Variants in REEP3 observed in about 807,000 individuals in gnomAD.
REEP3 encodes the protein receptor accessory protein 3.
Under a neutral mutation model 41.3 loss-of-function variants are expected in REEP3, and 20 were observed. That is an observed-to-expected ratio of 0.48 (90% confidence interval 0.34 to 0.70). The LOEUF is 0.70. REEP3 is among the 30% of genes least tolerant of loss of function. The probability of loss-of-function intolerance (pLI) is 0.01; values close to 1 mark genes in which losing one functional copy is unlikely to be tolerated. For missense variants in REEP3, 271 were observed against 308.8 expected, an observed-to-expected ratio of 0.88 and a Z score of 0.92; for synonymous variants, 104 against 101.8, an observed-to-expected ratio of 1.02 and a Z score of -0.13.
At chr10:63,556,634 G>GTTTTT (rs370073734) in intron 1 of REEP3, among the ~76,000 whole-genome samples, 3 of 78,562 alleles carry the variant, frequency 3.8e-5, no homozygotes, top group African/African-American at 1.4e-4. Context: ...TTGTTGTTTT[G>GTTTTT]TTTTTTTTTT....
intron 1 of REEP3, among the ~76,000 whole-genome samples, chr10:63,549,981 G>C (rs1955613272): frequency 6.6e-6 from 1 of 152,220 alleles, no homozygotes; most frequent in Non-Finnish European, 1.5e-5. Flanking sequence ...GGCCAGCAAG[G>C]GGTGAGGAGG....
At chr10:63,521,612 GAGGCCC>G (rs1564987115) in intron 1 of REEP3, 35 bp downstream of exon 1, 9 of 1,381,808 alleles carry the variant, frequency 6.5e-6, no homozygotes, top group Middle Eastern at 2.0e-4. Context: ...CAGCCGGCGC[GAGGCCC>G]AGGGGAGCTG....
At chr10:63,580,274 T>A (rs1797097850) in intron 2 of REEP3, among the ~76,000 whole-genome samples, 1 of 152,020 alleles carries the variant, frequency 6.6e-6, no homozygotes, top group African/African-American at 2.4e-5. Flanking sequence ...TAGCTGGGAC[T>A]CCAGATGTGT....
At chr10:63,612,327 A>G (rs1331782599) in intron 6 of REEP3, among the ~76,000 whole-genome samples, 1 of 152,002 alleles carries the variant, frequency 6.6e-6, no homozygotes, top group Non-Finnish European at 1.5e-5. Context: ...GTGCACCACC[A>G]TGCCCTGCTA....
rs139223292 is a variant in REEP3, at chr10:63,536,686, G to A, written c.32+15109G>A. ...GTAAGAAAAAAAATTAACCTAAAAAGAAAAGTGGACAAATGAACTGGTATC... is the reference window on the plus strand; with the variant it reads ...GTAAGAAAAAAAATTAACCTAAAAAAAAAAGTGGACAAATGAACTGGTATC... On this transcript the variant is annotated intron_variant, in intron 1 of 7. Transcript: ENST00000373758. Among the ~76,000 whole-genome samples the A allele has an allele frequency of 2.2e-3, 327 of 152,058 alleles. 2 individuals are homozygous for A. Among genetic ancestry groups the A allele is most frequent in the African/African-American group, 7.5e-3 (310 of 41,474 alleles).
intron 6 of REEP3, among the ~76,000 whole-genome samples, chr10:63,618,428 C>T (rs1380519021): frequency 2.0e-5 from 3 of 150,942 alleles, no homozygotes; most frequent in Non-Finnish European, 4.4e-5. Flanking sequence ...TTTGTATTTT[C>T]AGTAGAGACA....
intron 2 of REEP3, among the ~76,000 whole-genome samples, chr10:63,569,094 T>C (rs1955830351): frequency 6.6e-6 from 1 of 152,222 alleles, no homozygotes; most frequent in African/African-American, 2.4e-5. Context: ...CCTTGTACAA[T>C]TCCATAGACA....
At chr10:63,552,127 G>A (rs1017507849) in intron 1 of REEP3, among the ~76,000 whole-genome samples, 5 of 152,252 alleles carry the variant, frequency 3.3e-5, no homozygotes, top group African/African-American at 4.8e-5. Context: ...CACTGGGGCC[G>A]GGCACAGTGG....
intron 6 of REEP3, among the ~76,000 whole-genome samples, chr10:63,618,173 T>C (rs1956326616): frequency 6.6e-6 from 1 of 150,654 alleles, no homozygotes; most frequent in South Asian, 2.1e-4. Flanking sequence ...GTATTTATGC[T>C]CCTTATGCTC....
Position 63,624,672 on chromosome 10 carries a change from T to C in REEP3, c.*3803T>C, listed in dbSNP as rs1342710743. 1 of 152,138 alleles carries C rather than the reference T, an allele frequency of 6.6e-6. No individual in the cohort carries two copies. The highest frequency in any genetic ancestry group is 2.4e-5 in the African/African-American group (1 of 41,442). The allele number at this position is 152,138 out of a possible 1,614,324, so 9.4% of individuals were successfully genotyped here. On this transcript the variant is annotated 3_prime_UTR_variant, in exon 8 of 8. Coordinates refer to ENST00000373758, the MANE Select transcript of REEP3 (RefSeq NM_001001330.3). The stretch of plus-strand genomic sequence containing the variant: ...TGTTGATTAAATATATGCACACACT[T>C]AGGATTACAGATCACAGAGCAAATT...
intron 1 of REEP3, among the ~76,000 whole-genome samples, chr10:63,549,819 G>C (rs1172598814): frequency 6.6e-6 from 1 of 152,182 alleles, no homozygotes; most frequent in East Asian, 1.9e-4. Context: ...GAAGAGGAAA[G>C]ATGAGGAGGG....
intron 2 of REEP3, among the ~76,000 whole-genome samples, chr10:63,568,418 C>T (rs1464466387): frequency 1.3e-5 from 2 of 151,900 alleles, no homozygotes; most frequent in Non-Finnish European, 2.9e-5. Flanking sequence ...AGGCGCCCGC[C>T]ACCACGCCCT....
intron 6 of REEP3, among the ~76,000 whole-genome samples, chr10:63,616,278 A>G (rs1167480287): frequency 6.6e-6 from 1 of 151,786 alleles, no homozygotes; most frequent in Admixed American, 6.6e-5. Flanking sequence ...CATGCTGATT[A>G]CATTCTCTTA....
intron 1 of REEP3, among the ~76,000 whole-genome samples, chr10:63,543,203 C>T (rs1435674305): frequency 6.6e-6 from 1 of 152,134 alleles, no homozygotes; most frequent in Non-Finnish European, 1.5e-5. Context: ...TTATTATTTC[C>T]CACAAATCTG....
At chr10:63,573,967 T>C (rs1218855119) in intron 2 of REEP3, among the ~76,000 whole-genome samples, 1 of 152,212 alleles carries the variant, frequency 6.6e-6, no homozygotes, top group African/African-American at 2.4e-5. Context: ...TATTCTAATT[T>C]AGTTTTTATT....
At chr10:63,561,647 G>A (rs1054169926) in intron 1 of REEP3, among the ~76,000 whole-genome samples, 3 of 152,218 alleles carry the variant, frequency 2.0e-5, no homozygotes, top group Non-Finnish European at 2.9e-5. Context: ...ATCTGACAGT[G>A]GGCACAGAGG....
At chr10:63,575,617 T>G (rs1955891648) in intron 2 of REEP3, among the ~76,000 whole-genome samples, 2 of 152,222 alleles carry the variant, frequency 1.3e-5, no homozygotes, top group African/African-American at 4.8e-5. Flanking sequence ...TACTTTCTGA[T>G]TGAGTTTCTC....
chr10:63,591,781 A>G (rs1464913248), intron 2 of REEP3, among the ~76,000 whole-genome samples: 4 of 152,234 alleles, frequency 2.6e-5, no homozygotes, highest in Non-Finnish European at 4.4e-5. Context: ...CAGAATGTGC[A>G]GCAGCTCTAA....
At chr10:63,560,049 ATT>A (rs1378650178) in intron 1 of REEP3, among the ~76,000 whole-genome samples, 1 of 152,126 alleles carries the variant, frequency 6.6e-6, no homozygotes, top group East Asian at 1.9e-4. Context: ...GTTATAAAAT[ATT>A]GTTTTTAAAA....
Sources: gnomAD v4.1 joint callset for allele counts (sites outside exome capture counted in the v4.1 genomes callset) on GRCh38, gnomAD v4.1.1 for gene constraint, MANE v1.5 for transcripts, NCBI Gene and HGNC (gene_info 2026-07-23, HGNC 2026-07-21) for gene names.